Variants in NBEA observed in about 807,000 individuals in gnomAD.
The protein encoded by NBEA is neurobeachin.
A neutral mutation model predicts 343.4 loss-of-function variants in NBEA; 44 were observed. The observed-to-expected ratio is 0.13, with a 90% CI of 0.10 to 0.16. NBEA has a LOEUF of 0.16. Among genes scored for constraint, NBEA ranks in the 10% least tolerant of loss-of-function variants. The pLI is 1.00. For missense variants in NBEA, 2,555 were observed against 3,631.3 expected (o/e 0.70, Z 7.62); for synonymous variants, 1,175 against 1,238.7 (o/e 0.95, Z 1.08).
At chr13:35,151,172 T>C (rs1353886268) in intron 18 of NBEA, among the ~76,000 whole-genome samples, 1 of 151,450 alleles carries the variant, frequency 6.6e-6, no homozygotes, top group Non-Finnish European at 1.5e-5. Context: ...TGAAGTCTTA[T>C]TAGGATAAAG....
intron 17 of NBEA, among the ~76,000 whole-genome samples, chr13:35,123,875 T>C (rs2066929742): frequency 6.6e-6 from 1 of 152,060 alleles, no homozygotes; most frequent in South Asian, 2.1e-4. Flanking sequence ...CACATATAGG[T>C]ATGATTTCAA....
chr13:35,270,568 T>G (rs1208923253), intron 34 of NBEA, among the ~76,000 whole-genome samples: 1 of 152,188 alleles, frequency 6.6e-6, no homozygotes, highest in South Asian at 2.1e-4. Flanking sequence ...GATTTCCCTT[T>G]CCTAGCCAAG....
At chr13:35,283,708 A>G (rs1174917193) in intron 34 of NBEA, among the ~76,000 whole-genome samples, 1 of 152,198 alleles carries the variant, frequency 6.6e-6, no homozygotes, top group Non-Finnish European at 1.5e-5. Context: ...ACAGTAATAC[A>G]TAAGGATTTT....
intron 6 of NBEA, among the ~76,000 whole-genome samples, chr13:35,052,702 T>C (rs2063108116): frequency 6.6e-6 from 1 of 151,962 alleles, no homozygotes. Flanking sequence ...GTGTCTGTTA[T>C]CTGTAGAGTA....
At chr13:35,566,100 G>A (rs1018985052) in intron 44 of NBEA, among the ~76,000 whole-genome samples, 33 of 152,042 alleles carry the variant, frequency 2.2e-4, no homozygotes, top group African/African-American at 7.7e-4. Flanking sequence ...CAGTGGCTCA[G>A]GCCTCTAATC....
intron 34 of NBEA, among the ~76,000 whole-genome samples, chr13:35,276,474 G>A (rs1352166927): frequency 2.6e-5 from 4 of 152,098 alleles, no homozygotes; most frequent in African/African-American, 9.7e-5. Context: ...GGGCATACAT[G>A]TAACTTCTTT....
Position 35,151,420 on chromosome 13 carries a change from G to A in NBEA, c.2446-4354G>A, listed in dbSNP as rs146179240. 9.9e-5 allele frequency among the ~76,000 whole-genome samples: 15 copies of A among 151,794 alleles called. No homozygotes were observed. The East Asian group carries it at 2.9e-3, about 30-fold the overall frequency. On this transcript the variant is annotated intron_variant, in intron 18 of 58. Transcript: ENST00000379939. ...TAGCCAGGCGTGGTGGCGCATGCCT[G>A]TAATTACAGCTACTCAGGAGGCAGA...
At chr13:35,189,072 C>T (rs1296351101) in intron 30 of NBEA, among the ~76,000 whole-genome samples, 3 of 151,788 alleles carry the variant, frequency 2.0e-5, no homozygotes, top group Non-Finnish European at 4.4e-5. Flanking sequence ...GCACGCCCCA[C>T]CATGCTGGGC....
intron 40 of NBEA, among the ~76,000 whole-genome samples, chr13:35,460,928 C>G (rs1270021983): frequency 3.3e-5 from 5 of 152,174 alleles, no homozygotes; most frequent in African/African-American, 1.2e-4. Context: ...CTGCAGAGTC[C>G]TGAGGCCGTA....
chr13:35,150,804 TA>T, intron 18 of NBEA, among the ~76,000 whole-genome samples: 1 of 143,312 alleles, frequency 7.0e-6, no homozygotes, highest in African/African-American at 3.0e-5. Flanking sequence ...TAGAGTAGAG[TA>T]GAGTAGAGTA....
At chr13:35,212,323 A>G (rs565065912) in intron 33 of NBEA, among the ~76,000 whole-genome samples, 8 of 152,160 alleles carry the variant, frequency 5.3e-5, no homozygotes, top group South Asian at 4.1e-4. Flanking sequence ...TTCATCTACT[A>G]TTGTTGCATA....
chr13:35,469,452 T>C (rs1189181796), intron 40 of NBEA, among the ~76,000 whole-genome samples: 1 of 152,198 alleles, frequency 6.6e-6, no homozygotes, highest in African/African-American at 2.4e-5. Context: ...TCAAAAATAG[T>C]AATGGATCAG....
At position 35,044,827 on chromosome 13, in the gene NBEA, T is replaced by G. The variant is rs200722476; in HGVS notation, c.527-120T>G. 2,680 of 505,672 alleles carry G rather than the reference T, an allele frequency of 5.3e-3. 15 individuals are homozygous for G. Among genetic ancestry groups the G allele is most frequent in the East Asian group, 0.036 (1,065 of 29,996 alleles). 31.3% of individuals were successfully genotyped at this position (505,672 alleles called of 1,614,324 possible). A position where few individuals can be genotyped will look rare whatever the true frequency, so the allele number is the denominator to read the frequency against. ...GCTGTATTAGATACATATATATATA[T>G]ATAGAGAGAGAGAGAGAGAGAGAGA... On this transcript the variant is annotated intron_variant, in intron 2 of 58. Coordinates refer to ENST00000379939, the MANE Select transcript of NBEA (RefSeq NM_001385012.1).
chr13:35,652,764 G>A lies in NBEA; in HGVS notation c.8035+888G>A, dbSNP rs1262459793. On this transcript the variant is annotated intron_variant, in intron 53 of 58. Coordinates refer to ENST00000379939, the MANE Select transcript of NBEA (RefSeq NM_001385012.1). ...GGCTGGAGTACAGTGGCGCGATCTC[G>A]GCTCACTGCAACCTCCGCCTCCCGG... is the stretch of plus-strand genomic sequence containing the variant. Among the ~76,000 whole-genome samples the A allele has an allele frequency of 9.7e-5, 11 of 113,664 alleles. No individual in the cohort carries two copies. In the East Asian group the frequency reaches 2.5e-3, roughly 26 times the overall value. The allele number at this position is 113,664 out of a possible 152,430, so 74.6% of individuals were successfully genotyped here.
rs189529101 is a variant in NBEA at position 35,315,783 on chromosome 13, A to G, written c.5903+6191A>G. Among the ~76,000 whole-genome samples, 818 of 152,182 alleles carry G rather than the reference A, an allele frequency of 5.4e-3. 6 individuals are homozygous for G. Among genetic ancestry groups the G allele is most frequent in the Non-Finnish European group, 9.8e-3 (666 of 67,972 alleles). On this transcript the variant is annotated intron_variant, in intron 36 of 58. Transcript: ENST00000379939. ...GAGAAGCATATTGCATCCAAGTATA[A>G]TTTTTTAGTGATTGTATGGCACCAA...
intron 57 of NBEA, 35 bp from the exon 58 acceptor site, chr13:35,668,333 T>C: frequency 6.6e-7 from 1 of 1,508,284 alleles, no homozygotes; most frequent in Non-Finnish European, 8.9e-7. Context: ...TTTTATTTTG[T>C]TTTTTTTTGT....
At chr13:35,260,621 A>G (rs1471284232) in intron 34 of NBEA, among the ~76,000 whole-genome samples, 4 of 152,232 alleles carry the variant, frequency 2.6e-5, no homozygotes, top group Non-Finnish European at 5.9e-5. Context: ...TGGAAGAGGA[A>G]GCATCACAGT....
chr13:35,429,315 C>T (rs1471603845), intron 38 of NBEA, among the ~76,000 whole-genome samples: 1 of 152,148 alleles, frequency 6.6e-6, no homozygotes, highest in Non-Finnish European at 1.5e-5. Context: ...TCACACCCAT[C>T]CTTTGCTGGT....
intron 44 of NBEA, among the ~76,000 whole-genome samples, chr13:35,562,980 C>A (rs773851765): frequency 6.6e-6 from 1 of 151,896 alleles, no homozygotes; most frequent in Non-Finnish European, 1.5e-5. Flanking sequence ...AATGAAGAAA[C>A]ATATCCAGTG....
Sources: gnomAD v4.1 joint callset for allele counts (sites outside exome capture counted in the v4.1 genomes callset) on GRCh38, gnomAD v4.1.1 for gene constraint, MANE v1.5 for transcripts, NCBI Gene and HGNC (gene_info 2026-07-23, HGNC 2026-07-21) for gene names.